Variants in MPP7 observed in about 807,000 individuals in gnomAD.
The protein encoded by MPP7 is MAGUK p55 scaffold protein 7, also known as MAGUK p55 subfamily member 7.
MPP7 carries 60 observed loss-of-function variants against 76.5 expected under a neutral mutation model. The observed-to-expected ratio is 0.78, with a 90% CI of 0.64 to 0.97. The LOEUF is 0.97. MPP7 is among the 50% of genes least tolerant of loss of function. The probability of loss-of-function intolerance (pLI) is 0.00; values close to 1 mark genes in which losing one functional copy is unlikely to be tolerated. For synonymous variants in MPP7, 237 were observed against 244.5 expected (o/e 0.97, Z 0.29); for missense variants, 641 against 694.0 (o/e 0.92, Z 0.86).
rs60960005 is a variant in MPP7, at chr10:28,143,855, CTGTGTGTGTGTGTG to C, written c.315+3614_315+3627del. On this transcript the variant is annotated intron_variant, in intron 5 of 16. Transcript: ENST00000683449. Reference sequence around the variant, plus strand: ...CTTTCATTAGGACCTCAATCGTGTGCTGTGTGTGTGTGTGTGTGTGTGTGTGTGTGTGTGTGTGT... The same window carrying C: ...CTTTCATTAGGACCTCAATCGTGTGCTGTGTGTGTGTGTGTGTGTGTGTGT... Among the ~76,000 whole-genome samples, 1,012 of 134,546 alleles carry C rather than the reference CTGTGTGTGTGTGTG, an allele frequency of 7.5e-3. 19 individuals are homozygous for C. The highest frequency in any genetic ancestry group is 0.021 in the African/African-American group (777 of 36,416). 88.3% of individuals were successfully genotyped at this position (134,546 alleles called of 152,430 possible).
rs765704032 is a variant in MPP7 at position 28,238,375 on chromosome 10, A to G, written c.37+193T>C. Among the ~76,000 whole-genome samples, 146 of 152,234 alleles carry G rather than the reference A, an allele frequency of 9.6e-4. 4 individuals carry two copies. The highest frequency in any genetic ancestry group is 1.5e-4 in the Non-Finnish European group (10 of 68,036). ...TGCACATGCCATCACTACCCAGAGA[A>G]AGAGGCAATGAGTCCATGTCCTCCA... On this transcript the variant is annotated intron_variant, in intron 2 of 16. Coordinates refer to ENST00000683449, the MANE Select transcript of MPP7 (RefSeq NM_001318170.2).
At chr10:28,322,636 C>G (rs1834378585) in intron 2 of MPP7, among the ~76,000 whole-genome samples, 1 of 152,112 alleles carries the variant, frequency 6.6e-6, no homozygotes, top group Non-Finnish European at 1.5e-5. Flanking sequence ...ACTCAGTGCT[C>G]TCTAGAGCAC....
At chr10:28,179,519 T>C (rs1372962033) in intron 3 of MPP7, among the ~76,000 whole-genome samples, 1 of 152,200 alleles carries the variant, frequency 6.6e-6, no homozygotes. Context: ...TATCATACAT[T>C]AATAATAATA....
chr10:28,334,862 T>C (rs1158955292), upstream of MPP7, among the ~76,000 whole-genome samples: 1 of 152,210 alleles, frequency 6.6e-6, no homozygotes, highest in Non-Finnish European at 1.5e-5. Context: ...TAAAATTATA[T>C]TACTTACCTA....
intron 1 of MPP7, among the ~76,000 whole-genome samples, chr10:28,279,701 T>C (rs1293471659): frequency 3.4e-5 from 5 of 148,836 alleles, no homozygotes; most frequent in African/African-American, 1.0e-4. Flanking sequence ...CGAGACGCTG[T>C]CTCAAAAAAA....
In MPP7 at chr10:28,120,595, T is replaced by C. The variant is rs543778504; in HGVS notation, c.689A>G (p.Lys230Arg). Residue 230 changes from lysine (K) to arginine (R), a missense_variant and splice_region_variant, in exon 9 of 17, where the codon AAG becomes AGG. By Grantham distance (26) the Lys-to-Arg change is conservative (BLOSUM62 2). Transcript: ENST00000683449. ...GAAATGTTTTTAAGCAATAATTACC[T>C]TGCCTTCTTTTGATGGTGTCTCCTC... ...SKEETPSKEG[K>R]MFIKALFDYN... 8.1e-6 allele frequency: 13 copies of C among 1,613,388 alleles called. No individual in the cohort carries two copies. The African/African-American group carries it at 1.5e-4, about 18-fold the overall frequency.
intron 1 of MPP7, among the ~76,000 whole-genome samples, chr10:28,244,062 T>C (rs1189490652): frequency 6.6e-6 from 1 of 152,138 alleles, no homozygotes; most frequent in Non-Finnish European, 1.5e-5. Context: ...ACAGTAAACA[T>C]TTTAGGCTTT....
chr10:28,068,970 G>C (rs916392825), intron 13 of MPP7, among the ~76,000 whole-genome samples: 2 of 152,100 alleles, frequency 1.3e-5, no homozygotes, highest in Admixed American at 1.3e-4. Context: ...AACCATTTTT[G>C]CCTTGGTTTC....
chr10:28,182,813 C>G (rs929707969), intron 3 of MPP7, among the ~76,000 whole-genome samples: 7 of 152,232 alleles, frequency 4.6e-5, no homozygotes, highest in Non-Finnish European at 2.9e-5. Context: ...TGCAGTGGCT[C>G]ACGCCTGTAA....
rs1252812216 is a variant in MPP7 at position 28,296,809 on chromosome 10, TTAAG to T, written c.-132+6048_-132+6051del. ...GGTTTTTTTGTTTTTGTTTTTTTAC[TTAAG>T]TATCTGTTCATAGTAGGTAGCAAAT... On this transcript the variant is annotated intron_variant, in intron 1 of 16. Transcript: ENST00000683449. Among the ~76,000 whole-genome samples, 18 of 152,346 alleles carry T rather than the reference TTAAG, an allele frequency of 1.2e-4. No homozygotes were observed. The East Asian group carries it at 2.1e-3, about 18-fold the overall frequency.
intron 1 of MPP7, among the ~76,000 whole-genome samples, chr10:28,254,255 G>A (rs767482999): frequency 6.6e-6 from 1 of 152,048 alleles, no homozygotes; most frequent in Non-Finnish European, 1.5e-5. Context: ...ACTATCTTGT[G>A]GTCCAAGGGC....
At chr10:28,209,022 C>T (rs902150472) in intron 2 of MPP7, among the ~76,000 whole-genome samples, 25 of 152,132 alleles carry the variant, frequency 1.6e-4, no homozygotes, top group African/African-American at 5.8e-4. Context: ...ACTTCCTTTG[C>T]CCCTACTTTC....
At chr10:28,222,217 G>T (rs1232133590) in intron 2 of MPP7, among the ~76,000 whole-genome samples, 2 of 151,526 alleles carry the variant, frequency 1.3e-5, no homozygotes, top group Non-Finnish European at 1.5e-5. Context: ...AAAAAAAGTG[G>T]CCAGGCACAG....
intron 3 of MPP7, among the ~76,000 whole-genome samples, chr10:28,189,993 C>T (rs1451551955): frequency 6.6e-6 from 1 of 152,024 alleles, no homozygotes; most frequent in Non-Finnish European, 1.5e-5. Context: ...GAGAAAGATA[C>T]ACTAACATTA....
chr10:28,150,160 C>A, intron 3 of MPP7, 101 bp from the exon 4 acceptor site: 1 of 792,786 alleles, frequency 1.3e-6, no homozygotes, highest in Non-Finnish European at 2.1e-6. Context: ...CCTTGAATAT[C>A]CTAAAGTTAT....
At chr10:28,219,762 T>C (rs1418912992) in intron 2 of MPP7, among the ~76,000 whole-genome samples, 4 of 152,146 alleles carry the variant, frequency 2.6e-5, no homozygotes, top group African/African-American at 4.8e-5. Flanking sequence ...CTAAAGAACA[T>C]ATATCGACGC....
chr10:28,277,359 C>T (rs1405819267), intron 1 of MPP7, among the ~76,000 whole-genome samples: 4 of 142,600 alleles, frequency 2.8e-5, no homozygotes, highest in East Asian at 2.3e-4. Context: ...TGATAGCTGA[C>T]GAGCAAAAAA....
chr10:28,233,143 C>T (rs553258369), intron 2 of MPP7, among the ~76,000 whole-genome samples: 12 of 152,230 alleles, frequency 7.9e-5, no homozygotes, highest in African/African-American at 2.9e-4. Context: ...TCTGATACTG[C>T]TATATTGGTA....
chr10:28,154,236 T>C (rs1460678818), intron 3 of MPP7, among the ~76,000 whole-genome samples: 1 of 152,160 alleles, frequency 6.6e-6, no homozygotes, highest in East Asian at 1.9e-4. Flanking sequence ...CCAGACCAGC[T>C]TCTTTGTCAT....
Sources: gnomAD v4.1 joint callset for allele counts (sites outside exome capture counted in the v4.1 genomes callset) on GRCh38, gnomAD v4.1.1 for gene constraint, MANE v1.5 for transcripts, NCBI Gene and HGNC (gene_info 2026-07-23, HGNC 2026-07-21) for gene names.